The following KIR3DL2 variants were observed in gnomAD, a reference collection of about 807,000 sequenced individuals.
KIR3DL2 encodes the protein killer cell immunoglobulin like receptor, three Ig domains and long cytoplasmic tail 2.
KIR3DL2 carries 42 observed loss-of-function variants against 41.6 expected under a neutral mutation model. That is an observed-to-expected ratio of 1.01 (90% CI 0.79 to 1.31). KIR3DL2 has a LOEUF of 1.31. Ranked by LOEUF, KIR3DL2 falls within the 50% of genes most tolerant of loss-of-function variation. The pLI, the probability that KIR3DL2 is intolerant of heterozygous loss-of-function variation, is 0.00. For missense variants in KIR3DL2, 728 were observed against 576.8 expected, an observed-to-expected ratio of 1.26 and a Z score of -2.68; for synonymous variants, 230 against 221.3, an observed-to-expected ratio of 1.04 and a Z score of -0.35.
At chr19:54,856,089 C>A (rs1319888864) in intron 5 of KIR3DL2, among the ~76,000 whole-genome samples, 177 bp downstream of exon 5, 3 of 151,404 alleles carry the variant, frequency 2.0e-5, no homozygotes, top group Admixed American at 2.0e-4. Context: ...TCTTGCATGG[C>A]CTGCATGGAG....
Position 54,855,751 on chromosome 19 carries a change from A to G in KIR3DL2, c.788A>G (p.Glu263Gly). The G allele has an allele frequency of 2.5e-6, 4 of 1,613,470 alleles. No homozygotes were observed. In the South Asian group the frequency reaches 4.4e-5, roughly 18 times the overall value. ...CTGTCCAGGGAAGGGGAGGCCCATG[A>G]ACGTAGGCTCCGTGCAGTGCCCAAG... ...YHLSREGEAH[E>G]RRLRAVPKVN... is the part of the protein sequence containing the mutation. The change falls in exon 5 of 9, where the codon GAA (glutamate) becomes GGA (glycine). Residue 263 changes from glutamate (E) to glycine (G), a missense_variant. Physicochemically the swap from Glu to Gly is moderately conservative, Grantham distance 98. Transcript: ENST00000326321.
chr19:54,862,501 G>A (rs190948911), intron 6 of KIR3DL2, among the ~76,000 whole-genome samples: 12 of 152,130 alleles, frequency 7.9e-5, no homozygotes, highest in African/African-American at 2.9e-4. Context: ...GATAAGCAGC[G>A]AGTGACAACA....
rs369873639 is a variant in KIR3DL2, at chr19:54,852,202, C to T, written c.275C>T (p.Thr92Ile). 1 of 1,611,934 alleles carries T rather than the reference C, an allele frequency of 6.2e-7. No individual in the cohort carries two copies. The highest frequency in any genetic ancestry group is 8.5e-7 in the Non-Finnish European group (1 of 1,179,236). ...MGPVTPAHAG[T>I]YRCRGSRPHS... ...CCTGTGACCCCAGCACATGCAGGGA[C>T]CTACAGATGTCGGGGTTCACGCCCA... Residue 92 changes from threonine to isoleucine, a missense_variant, in exon 3 of 9, where the codon ACC (threonine) becomes ATC (isoleucine). Coordinates refer to ENST00000326321, the MANE Select transcript of KIR3DL2 (RefSeq NM_006737.4).
At chr19:54,854,251 G>T (rs2145596920) in intron 4 of KIR3DL2, among the ~76,000 whole-genome samples, 1 of 151,844 alleles carries the variant, frequency 6.6e-6, no homozygotes, top group South Asian at 2.1e-4. Flanking sequence ...AGACACAGGG[G>T]CCATACGGGG....
rs748379197 is a variant in KIR3DL2, at chr19:54,852,236, C to T, written c.309C>T (p.Leu103=). ...YRCRGSRPHS[L]TGWSAPSNPL... is the part of the protein sequence containing the mutation. ...GTCGGGGTTCACGCCCACACTCCCT[C>T]ACTGGGTGGTCGGCACCCAGCAACC... The change falls in exon 3 of 9, where the codon CTC becomes CTT. Residue 103 remains leucine (L), a synonymous_variant. Transcript: ENST00000326321. 2 of 1,611,238 alleles carry T rather than the reference C, an allele frequency of 1.2e-6. No homozygotes were observed. The highest frequency in any genetic ancestry group is 1.7e-6 in the Non-Finnish European group (2 of 1,178,568).
chr19:54,851,404 T>C (rs640345), intron 2 of KIR3DL2, 149 bp downstream of exon 2: 456,430 of 743,842 alleles, frequency 0.61, 145,719 homozygotes, highest in East Asian at 0.93. Flanking sequence ...TCGCCCTCCC[T>C]GGCCTTTCTT....
chr19:54,852,590 A>G (rs2145572810), intron 3 of KIR3DL2, among the ~76,000 whole-genome samples: 1 of 150,626 alleles, frequency 6.6e-6, no homozygotes, highest in East Asian at 1.9e-4. Flanking sequence ...TGCTGGGCTC[A>G]GTGTAATCAC....
In KIR3DL2 at chr19:54,866,387, C is replaced by T. The variant is rs2065518080; in HGVS notation, c.1123C>T (p.Gln375Ter). The T allele has an allele frequency of 6.2e-7, 1 of 1,613,858 alleles. No individual in the cohort carries two copies. Among genetic ancestry groups the T allele is most frequent in the South Asian group, 1.1e-5 (1 of 91,092 alleles). ...TCCTACAGATGCTGCTGTAATGGACCAAGAGCCTGCGGGGGACAGAACAGT... is the reference window on the plus strand; with the variant it reads ...TCCTACAGATGCTGCTGTAATGGACTAAGAGCCTGCGGGGGACAGAACAGT... The part of the protein sequence containing the change: ...SNKKNAAVMD[Q>*]EPAGDRTVNR... The change falls in exon 8 of 9, where the codon CAA becomes TAA. Residue 375 changes from glutamine (Q) to a stop codon, truncating the protein, a stop_gained. Coordinates refer to ENST00000326321, the MANE Select transcript of KIR3DL2 (RefSeq NM_006737.4). LOFTEE classifies it low-confidence loss of function (END_TRUNC).
intron 6 of KIR3DL2, 84 bp from the exon 7 acceptor site, chr19:54,865,721 G>T: frequency 8.1e-7 from 1 of 1,232,018 alleles, no homozygotes; most frequent in Non-Finnish European, 1.2e-6. Context: ...GTTCCATGTG[G>T]TTACCTGTCA....
chr19:54,861,307 G>A (rs1210671967), intron 6 of KIR3DL2, among the ~76,000 whole-genome samples: 4 of 151,886 alleles, frequency 2.6e-5, no homozygotes, highest in Non-Finnish European at 4.4e-5. Context: ...TGGCAGAGGA[G>A]GGAGAGCTAG....
chr19:54,857,450 A>G, intron 5 of KIR3DL2, among the ~76,000 whole-genome samples: 1 of 151,530 alleles, frequency 6.6e-6, no homozygotes, highest in East Asian at 1.9e-4. Flanking sequence ...ACTAATTTAC[A>G]TTCCTACCAA....
intron 4 of KIR3DL2, 31 bp from the exon 5 acceptor site, chr19:54,855,588 T>C: frequency 6.2e-7 from 1 of 1,606,762 alleles, no homozygotes; most frequent in South Asian, 1.1e-5. Context: ...AGGAAGAACC[T>C]CCCTGAGGAA....
chr19:54,851,193 A>G (rs1249889603), intron 1 of KIR3DL2, 27 bp from the exon 2 acceptor site: 2 of 1,610,018 alleles, frequency 1.2e-6, no homozygotes, highest in African/African-American at 2.7e-5. Context: ...CTGCAGTTGG[A>G]TCGTCTATCA....
chr19:54,851,982 C>T lies in KIR3DL2; in HGVS notation c.71-16C>T, dbSNP rs2064287415. 1.4e-5 allele frequency: 22 copies of T among 1,606,498 alleles called. No individual in the cohort carries two copies. In the South Asian group the frequency reaches 1.4e-4, roughly 10 times the overall value. On this transcript the variant is annotated splice_polypyrimidine_tract_variant and intron_variant, in intron 2 of 8. Coordinates refer to ENST00000326321, the MANE Select transcript of KIR3DL2 (RefSeq NM_006737.4). ...CCACATCCTCCTCTCTAAGGCAGTG[C>T]CTCCTTCTCCCCCAGGTGGTCAGGA...
chr19:54,866,340 A>T (rs1376095797), intron 7 of KIR3DL2, 30 bp from the exon 8 acceptor site: 3 of 1,613,464 alleles, frequency 1.9e-6, no homozygotes, highest in African/African-American at 2.7e-5. Flanking sequence ...GGGCCCTCCA[A>T]GCGGTTTTGA....
intron 6 of KIR3DL2, among the ~76,000 whole-genome samples, chr19:54,864,556 T>C (rs1175802925): frequency 1.3e-5 from 2 of 152,044 alleles, no homozygotes. Context: ...GTAGTTCTCC[T>C]TGAAGAGGTC....
rs1032514915 is a variant in KIR3DL2, at chr19:54,866,806, C to G, written c.*75C>G. On this transcript the variant is annotated 3_prime_UTR_variant, in exon 9 of 9. Transcript: ENST00000326321. The stretch of plus-strand genomic sequence containing the variant: ...GCAGCTGGAATCTGAAGGCATCAGT[C>G]TGCATCTTAGGGGATCGCTCTTCCT... 1.5e-4 allele frequency: 218 copies of G among 1,494,276 alleles called. No individual in the cohort carries two copies. The highest frequency in any genetic ancestry group is 1.9e-4 in the Non-Finnish European group (208 of 1,076,914). The allele number at this position is 1,494,276 out of a possible 1,614,324, so 92.6% of individuals were successfully genotyped here.
chr19:54,858,768 T>C (rs141868858), intron 5 of KIR3DL2, among the ~76,000 whole-genome samples: 706 of 136,278 alleles, frequency 5.2e-3, no homozygotes, highest in South Asian at 0.015. Flanking sequence ...ATGCATGGAT[T>C]ATATCTGTGT....
Position 54,866,840 on chromosome 19 carries a change from G to A in KIR3DL2, c.*109G>A, listed in dbSNP as rs58983092. The A allele has an allele frequency of 4.2e-5, 50 of 1,197,140 alleles. No individual in the cohort carries two copies. The highest frequency in any genetic ancestry group is 4.0e-4 in the Middle Eastern group (2 of 4,944). The allele number at this position is 1,197,140 out of a possible 1,614,324, so 74.2% of individuals were successfully genotyped here. A position where few individuals can be genotyped will look rare whatever the true frequency, so the allele number is the denominator to read the frequency against. ...AGGGGATCGCTCTTCCTCACACCAC[G>A]AATCTGAACATGCCTCTCTCTTGCT... On this transcript the variant is annotated 3_prime_UTR_variant, in exon 9 of 9. Transcript: ENST00000326321.
Sources: allele counts gnomAD v4.1 joint callset (sites outside exome capture counted in the v4.1 genomes callset), GRCh38; gene constraint gnomAD v4.1.1; transcripts MANE v1.5; gene names NCBI Gene and HGNC (gene_info 2026-07-23, HGNC 2026-07-21).